Variants in CDYL observed in about 807,000 individuals in gnomAD.
CDYL encodes chromodomain Y-like protein.
CDYL carries 8 observed loss-of-function variants against 47.3 expected under a neutral mutation model. The observed-to-expected ratio is 0.17, with a 90% CI of 0.10 to 0.31. The LOEUF (loss-of-function observed/expected upper bound fraction) is 0.31, where lower values mean the gene tolerates loss of function less well. Among genes scored for constraint, CDYL ranks in the 10% least tolerant of loss-of-function variants. The pLI, the probability that CDYL is intolerant of heterozygous loss-of-function variation, is 1.00. For synonymous variants in CDYL, 266 were observed against 265.0 expected (o/e 1.00, Z -0.04); for missense variants, 471 against 701.4 (o/e 0.67, Z 3.71).
At chr6:4,891,666 C>G in intron 1 of CDYL, 47 bp from the exon 2 acceptor site, 1 of 1,482,490 alleles carries the variant, frequency 6.7e-7, no homozygotes, top group Non-Finnish European at 9.0e-7. Context: ...CACTTTTCCC[C>G]CCAAATTTTG....
At chr6:4,922,847 C>T (rs1170249612) in intron 2 of CDYL, among the ~76,000 whole-genome samples, 1 of 152,184 alleles carries the variant, frequency 6.6e-6, no homozygotes, top group African/African-American at 2.4e-5. Flanking sequence ...CAGCGGGTGC[C>T]CAGCCTCGGG....
At chr6:4,865,718 T>C (rs1234660347) in intron 1 of CDYL, among the ~76,000 whole-genome samples, 1 of 152,224 alleles carries the variant, frequency 6.6e-6, no homozygotes, top group African/African-American at 2.4e-5. Flanking sequence ...AGGTGGTCAT[T>C]GTACAGTGAT....
chr6:4,709,941 C>G (rs115855566), intron 1 of CDYL, among the ~76,000 whole-genome samples: 4,126 of 152,222 alleles, frequency 0.027, 67 homozygotes, highest in Middle Eastern at 0.051. Context: ...ATCTCTTTGG[C>G]CAGGCACGGT....
chr6:4,941,919 T>C (rs2127523943), intron 4 of CDYL, among the ~76,000 whole-genome samples: 1 of 152,328 alleles, frequency 6.6e-6, no homozygotes, highest in East Asian at 1.9e-4. Context: ...AGCTGTTCCT[T>C]ATCATTGAGA....
intron 4 of CDYL, among the ~76,000 whole-genome samples, chr6:4,940,780 A>C (rs1486704828): frequency 6.6e-6 from 1 of 152,258 alleles, no homozygotes; most frequent in Non-Finnish European, 1.5e-5. Flanking sequence ...GCCCTGCCCA[A>C]GCAGTGCCCC....
In CDYL at chr6:4,810,870, C is replaced by T. The variant is rs563272946; in HGVS notation, c.24+34063C>T. Among the ~76,000 whole-genome samples, 133 of 152,214 alleles carry T rather than the reference C, an allele frequency of 8.7e-4. 1 individual carries two copies. Among genetic ancestry groups the T allele is most frequent in the Non-Finnish European group, 1.6e-3 (106 of 68,034 alleles). On this transcript the variant is annotated intron_variant, in intron 1 of 6. Coordinates refer to ENST00000397588, the MANE Select transcript of CDYL (RefSeq NM_004824.4). ...TGAGACCTAGTTATTTCTCAAAAGT[C>T]TAACCTTTTAGTACCATCATACTAG...
intron 2 of CDYL, among the ~76,000 whole-genome samples, chr6:4,723,316 T>C (rs1482548103): frequency 1.3e-5 from 2 of 151,934 alleles, no homozygotes; most frequent in Admixed American, 1.3e-4. Context: ...ATTTTGGTAT[T>C]CCTAGGGTCC....
Position 4,900,779 on chromosome 6 carries a change from G to GTGTGTGTATATATATA in CDYL, c.691+8401_691+8402insGTGTGTATATATATAT. The stretch of plus-strand genomic sequence containing the variant: ...TCTTCTGTTAATTCCGTATACGTGT[G>GTGTGTGTATATATATA]TATATATATATATATATATATATAT... On this transcript the variant is annotated intron_variant, in intron 2 of 6. Coordinates refer to ENST00000397588, the MANE Select transcript of CDYL (RefSeq NM_004824.4). 1.8e-3 allele frequency among the ~76,000 whole-genome samples: 95 copies of GTGTGTGTATATATATA among 51,596 alleles called. 1 individual carries two copies. Among genetic ancestry groups the GTGTGTGTATATATATA allele is most frequent in the Non-Finnish European group, 2.8e-3 (68 of 24,094 alleles). The allele number at this position is 51,596 out of a possible 152,430, so 33.8% of individuals were successfully genotyped here.
intron 1 of CDYL, among the ~76,000 whole-genome samples, chr6:4,831,966 A>G (rs1212905532): frequency 5.3e-5 from 8 of 152,076 alleles, no homozygotes; most frequent in Non-Finnish European, 1.2e-4. Context: ...CAGCTTAAGG[A>G]GATTTTGGGC....
At chr6:4,883,533 A>G (rs1400092367) in intron 1 of CDYL, among the ~76,000 whole-genome samples, 2 of 152,232 alleles carry the variant, frequency 1.3e-5, no homozygotes, top group African/African-American at 2.4e-5. Context: ...ACTCATGGCC[A>G]TGGCACAGAT....
chr6:4,895,109 ATC>A (rs1290134553), intron 2 of CDYL, among the ~76,000 whole-genome samples: 2 of 151,080 alleles, frequency 1.3e-5, no homozygotes, highest in African/African-American at 4.9e-5. Context: ...GTGTATATGT[ATC>A]TATATGCATA....
At chr6:4,776,251 C>T (rs1172901880), upstream of CDYL, among the ~76,000 whole-genome samples, 2 of 144,036 alleles carry the variant, frequency 1.4e-5, no homozygotes, top group African/African-American at 5.0e-5. Flanking sequence ...CGCCTCGGCC[C>T]CGAGCGGAGC....
At chr6:4,825,951 T>G (rs919134319) in intron 1 of CDYL, among the ~76,000 whole-genome samples, 7 of 149,666 alleles carry the variant, frequency 4.7e-5, no homozygotes, top group African/African-American at 9.9e-5. Context: ...CACCAGCGGG[T>G]GGAAGTGATG....
At chr6:4,950,331 C>T (rs1221319738) in intron 5 of CDYL, among the ~76,000 whole-genome samples, 2 of 152,188 alleles carry the variant, frequency 1.3e-5, no homozygotes, top group Non-Finnish European at 2.9e-5. Flanking sequence ...TAAGGCTCCA[C>T]TAAGCTGGTC....
intron 2 of CDYL, among the ~76,000 whole-genome samples, chr6:4,899,683 G>C (rs1009619979): frequency 6.6e-6 from 1 of 152,214 alleles, no homozygotes; most frequent in Non-Finnish European, 1.5e-5. Flanking sequence ...GCAATAGAGA[G>C]TTCTTTCTGC....
At chr6:4,822,078 C>T (rs1168479815) in intron 1 of CDYL, among the ~76,000 whole-genome samples, 3 of 152,094 alleles carry the variant, frequency 2.0e-5, no homozygotes, top group East Asian at 1.9e-4. Flanking sequence ...AAACGATCCT[C>T]CCAACTCAGC....
At position 4,770,400 on chromosome 6, in the gene CDYL, A is replaced by C. The variant is rs564811050; in HGVS notation, c.186+35556A>C. On this transcript the variant is annotated intron_variant, in intron 3 of 8. Coordinates refer to the CDYL transcript ENST00000328908. ...CACTCCAAAGGCGCTTTGTGGACGA[A>C]TGTGCTTACTTATTACGGTTCTTTG... is the stretch of plus-strand genomic sequence containing the variant. 1.4e-4 allele frequency among the ~76,000 whole-genome samples: 21 copies of C among 152,326 alleles called. No homozygotes were observed. The East Asian group carries it at 4.0e-3, about 29-fold the overall frequency.
intron 1 of CDYL, 58 bp downstream of exon 1, chr6:4,776,865 G>GCCGCGCCGCCCGACGGCCCCGCTCGCCGC (rs1444205512): frequency 1.3e-6 from 1 of 780,858 alleles, no homozygotes; most frequent in Non-Finnish European, 1.5e-6. Flanking sequence ...TCCCGGCCCG[G>GCCGCGCCGCCCGACGGCCCCGCTCGCCGC]CCGCGCCGCC....
At chr6:4,863,420 G>GA (rs1339747490) in intron 1 of CDYL, among the ~76,000 whole-genome samples, 1 of 151,996 alleles carries the variant, frequency 6.6e-6, no homozygotes, top group African/African-American at 2.4e-5. Flanking sequence ...GGCAAAAATA[G>GA]AAAAAATCGA....
Sources: gnomAD v4.1 joint callset for allele counts (sites outside exome capture counted in the v4.1 genomes callset) on GRCh38, gnomAD v4.1.1 for gene constraint, MANE v1.5 for transcripts, NCBI Gene and HGNC (gene_info 2026-07-23, HGNC 2026-07-21) for gene names.